Variants in COL4A4 observed in about 807,000 individuals in gnomAD.
The protein encoded by COL4A4 is collagen type IV alpha 4 chain, also known as collagen alpha-4(IV) chain.
Under a neutral mutation model 192.9 loss-of-function variants are expected in COL4A4, and 105 were observed. The ratio of observed to expected loss-of-function variants is 0.54; its 90% CI spans 0.46 to 0.64. The LOEUF (loss-of-function observed/expected upper bound fraction) is 0.64, where lower values mean the gene tolerates loss of function less well. COL4A4 is among the 30% of genes least tolerant of loss of function. The pLI is 0.00. For synonymous variants in COL4A4, 762 were observed against 769.9 expected, an observed-to-expected ratio of 0.99 and a Z score of 0.17; for missense variants, 1,967 against 2,169.3, an observed-to-expected ratio of 0.91 and a Z score of 1.85.
intron 37 of COL4A4, among the ~76,000 whole-genome samples, chr2:227,041,852 A>AGAG (rs1971334980): frequency 3.8e-4 from 27 of 71,374 alleles, no homozygotes; most frequent in African/African-American, 5.5e-4. Flanking sequence ...AAGAAAGAGA[A>AGAG]AGAAAGAAAG....
At position 227,082,129 on chromosome 2, in the gene COL4A4, A is replaced by G; in HGVS notation, c.1682T>C (p.Val561Ala). Reference protein sequence around the residue: ...GNKGAKGDMVVSRVKGHKGER... With the variant: ...GNKGAKGDMVASRVKGHKGER... ...ATTATGCTCACCTTTAACTCTTGAT[A>G]CAACCATGTCACCCTTCGCCCCTTT... Residue 561 changes from valine to alanine, a missense_variant, in exon 23 of 48, where the codon GTA becomes GCA. Val to Ala is a moderately conservative substitution (Grantham distance 64, BLOSUM62 0). Transcript: ENST00000396625. 1 of 1,614,172 alleles carries G rather than the reference A, an allele frequency of 6.2e-7. No individual in the cohort carries two copies. Among genetic ancestry groups the G allele is most frequent in the South Asian group, 1.1e-5 (1 of 91,086 alleles).
intron 4 of COL4A4, among the ~76,000 whole-genome samples, chr2:227,137,844 GT>G (rs925224865): frequency 2.6e-5 from 4 of 151,686 alleles, no homozygotes; most frequent in Admixed American, 6.6e-5. Flanking sequence ...AGGCACTGAG[GT>G]TTTTTTTCCT....
intron 37 of COL4A4, among the ~76,000 whole-genome samples, chr2:227,041,830 A>AG (rs2150079742): frequency 2.3e-5 from 1 of 43,462 alleles, no homozygotes; most frequent in African/African-American, 1.3e-4. Context: ...GAAAGAAAGA[A>AG]AGAAAGAAAG....
rs2061038486 is a variant in COL4A4, at chr2:227,109,244, G to A, written c.637C>T (p.Pro213Ser). The change falls in exon 10 of 48, where the codon CCT becomes TCT. Residue 213 changes from proline to serine, a missense_variant. Physicochemically the swap from Pro to Ser is moderately conservative, Grantham distance 74. Transcript: ENST00000396625. ...CTTACCACTAACCCTGGCTCTCCAG[G>A]ATATCCTGTGGGACCTGCCGGTCCT... ...AGGPAGPTGYPGEPGLVGPPG... is the reference protein window; with the variant it reads ...AGGPAGPTGYSGEPGLVGPPG... 1.9e-6 allele frequency: 3 copies of A among 1,613,932 alleles called. No individual in the cohort carries two copies. Among genetic ancestry groups the A allele is most frequent in the Admixed American group, 1.7e-5 (1 of 59,996 alleles).
At chr2:227,142,607 A>G (rs1348737333) in intron 3 of COL4A4, among the ~76,000 whole-genome samples, 7 of 152,210 alleles carry the variant, frequency 4.6e-5, no homozygotes, top group African/African-American at 1.4e-4. Flanking sequence ...TAACAAAAAA[A>G]TTAGCCAGAT....
intron 46 of COL4A4, 27 bp downstream of exon 46, chr2:227,010,286 T>C (rs1963363563): frequency 6.2e-7 from 1 of 1,613,684 alleles, no homozygotes; most frequent in Non-Finnish European, 8.5e-7. Context: ...CTTCAGGCAA[T>C]GGAGATGGGC....
At chr2:226,972,043 G>T in the COL4A4 span, among the ~76,000 whole-genome samples, 4 of 151,990 alleles carry the variant, frequency 2.6e-5, no homozygotes, top group African/African-American at 9.7e-5. Flanking sequence ...AGCCCCACGT[G>T]CATTAGGTCT....
chr2:227,064,671 G>A (rs1464730894), intron 25 of COL4A4, among the ~76,000 whole-genome samples: 1 of 152,176 alleles, frequency 6.6e-6, no homozygotes, highest in Non-Finnish European at 1.5e-5. Flanking sequence ...AAACCTATCA[G>A]ACTTATAGCA....
chr2:227,113,081 G>A (rs1391164083), intron 8 of COL4A4, among the ~76,000 whole-genome samples: 1 of 152,188 alleles, frequency 6.6e-6, no homozygotes, highest in Non-Finnish European at 1.5e-5. Context: ...ATATCCAGAA[G>A]TGGAATTGCT....
chr2:227,012,365 TACC>T, intron 44 of COL4A4, 68 bp from the exon 45 acceptor site: 1 of 1,262,452 alleles, frequency 7.9e-7, no homozygotes, highest in East Asian at 2.3e-5. Flanking sequence ...ACCGTGCTTA[TACC>T]GTATGCCAGC....
chr2:226,982,590 G>A, the COL4A4 span, among the ~76,000 whole-genome samples: 2 of 152,198 alleles, frequency 1.3e-5, no homozygotes, highest in Admixed American at 1.3e-4. Flanking sequence ...CCCAGGCAAA[G>A]CTTGTGAATT....
At chr2:226,972,113 G>C in the COL4A4 span, among the ~76,000 whole-genome samples, 3 of 152,052 alleles carry the variant, frequency 2.0e-5, no homozygotes, top group African/African-American at 7.2e-5. Context: ...GGTGTGTGCT[G>C]TTCCACTCCC....
chr2:227,027,360 AG>A lies in COL4A4; in HGVS notation c.4081+541del, dbSNP rs1300645626. Among the ~76,000 whole-genome samples, 11 of 150,970 alleles carry A rather than the reference AG, an allele frequency of 7.3e-5. No individual in the cohort carries two copies. The East Asian group carries it at 1.9e-3, about 27-fold the overall frequency. ...GATGAAGCTGGAAACCATCATTCTC[AG>A]CAAACTATCACAAGGACAAAAAACC... On this transcript the variant is annotated intron_variant, in intron 42 of 47. Coordinates refer to ENST00000396625, the MANE Select transcript of COL4A4 (RefSeq NM_000092.5).
intron 35 of COL4A4, among the ~76,000 whole-genome samples, chr2:227,045,258 G>A (rs901237775): frequency 2.6e-5 from 4 of 151,980 alleles, no homozygotes; most frequent in African/African-American, 4.8e-5. Context: ...AGTATGCATA[G>A]GGCCAGTTTA....
Position 227,129,553 on chromosome 2 carries a change from C to T in COL4A4, c.193-8405G>A, listed in dbSNP as rs554740568. 5.8e-4 allele frequency among the ~76,000 whole-genome samples: 88 copies of T among 152,040 alleles called. 1 individual carries two copies. Among genetic ancestry groups the T allele is most frequent in the African/African-American group, 1.8e-3 (76 of 41,482 alleles). ...CCTCCCAAGTAGCTGGGATTACAGG[C>T]GGCCACCACCACGCCTGGCTAATTT... On this transcript the variant is annotated intron_variant, in intron 4 of 47. Coordinates refer to ENST00000396625, the MANE Select transcript of COL4A4 (RefSeq NM_000092.5).
rs187978712 is a variant in COL4A4, at chr2:227,087,578, T to C, written c.1623+1075A>G. ...ATGTTGGCTCTGTCTTCAAAATATATCCAGAATCTGACCACCTTGCACCAC... is the reference window on the plus strand; with the variant it reads ...ATGTTGGCTCTGTCTTCAAAATATACCCAGAATCTGACCACCTTGCACCAC... On this transcript the variant is annotated intron_variant, in intron 22 of 47. Transcript: ENST00000396625. Among the ~76,000 whole-genome samples the C allele has an allele frequency of 1.6e-3, 242 of 152,126 alleles. 1 individual carries two copies. Among genetic ancestry groups the C allele is most frequent in the African/African-American group, 5.2e-3 (217 of 41,486 alleles).
chr2:227,087,407 C>T (rs756557242), intron 22 of COL4A4, among the ~76,000 whole-genome samples: 4 of 152,158 alleles, frequency 2.6e-5, no homozygotes, highest in Admixed American at 6.5e-5. Flanking sequence ...GTACTGCTTT[C>T]TTTCCTCACC....
chr2:227,052,852 C>T (rs1974423251), intron 31 of COL4A4, among the ~76,000 whole-genome samples: 5 of 152,204 alleles, frequency 3.3e-5, no homozygotes, highest in African/African-American at 1.2e-4. Context: ...AATGTGGTAC[C>T]CCTCACACTG....
chr2:227,084,263 C>T (rs571498343), intron 22 of COL4A4, among the ~76,000 whole-genome samples: 1 of 152,260 alleles, frequency 6.6e-6, no homozygotes, highest in South Asian at 2.1e-4. Flanking sequence ...AGAAAATGCC[C>T]TTCTGAAGAA....
Sources: gnomAD v4.1 joint callset for allele counts (sites outside exome capture counted in the v4.1 genomes callset) on GRCh38, gnomAD v4.1.1 for gene constraint, MANE v1.5 for transcripts, NCBI Gene and HGNC (gene_info 2026-07-23, HGNC 2026-07-21) for gene names.